Variants in TEX264 observed in about 807,000 individuals in gnomAD.
The protein encoded by TEX264 is testis expressed 264, ER-phagy receptor, also known as testis-expressed protein 264.
Under a neutral mutation model 23.4 loss-of-function variants are expected in TEX264, and 13 were observed. The ratio of observed to expected loss-of-function variants is 0.56; its 90% CI spans 0.36 to 0.88. TEX264 has a LOEUF of 0.88. TEX264 is among the 40% of genes least tolerant of loss of function. The probability of loss-of-function intolerance (pLI) is 0.01; values close to 1 mark genes in which losing one functional copy is unlikely to be tolerated. For missense variants in TEX264, 340 were observed against 406.8 expected, an observed-to-expected ratio of 0.84 and a Z score of 1.41; for synonymous variants, 159 against 170.0, an observed-to-expected ratio of 0.94 and a Z score of 0.50.
At chr3:51,685,668 A>G (rs1231191466) in intron 3 of TEX264, among the ~76,000 whole-genome samples, 1 of 152,210 alleles carries the variant, frequency 6.6e-6, no homozygotes, top group Non-Finnish European at 1.5e-5. Flanking sequence ...AAAATAACAC[A>G]GTTGGAGCCA....
intron 3 of TEX264, among the ~76,000 whole-genome samples, chr3:51,696,777 T>A (rs1703074652): frequency 6.6e-6 from 1 of 152,210 alleles, no homozygotes; most frequent in African/African-American, 2.4e-5. Flanking sequence ...CAAGTCTGAA[T>A]TTTGGTAGGA....
intron 2 of TEX264, among the ~76,000 whole-genome samples, chr3:51,676,725 C>G (rs1702243033): frequency 6.6e-6 from 1 of 152,226 alleles, no homozygotes; most frequent in Non-Finnish European, 1.5e-5. Context: ...GCATTTACCC[C>G]AGCACTTAGC....
At chr3:51,684,952 A>G (rs1015501595) in intron 3 of TEX264, among the ~76,000 whole-genome samples, 4 of 152,234 alleles carry the variant, frequency 2.6e-5, no homozygotes, top group African/African-American at 9.6e-5. Context: ...GCTCAGATGA[A>G]TGGACAGGCC....
chr3:51,679,186 T>C (rs529062611), intron 2 of TEX264, among the ~76,000 whole-genome samples: 2 of 152,324 alleles, frequency 1.3e-5, no homozygotes, highest in East Asian at 3.9e-4. Flanking sequence ...TTGGCCTGTC[T>C]GAGTATGTCT....
rs10654217 is a variant in TEX264 at position 51,693,430 on chromosome 3, G to GGGC, written c.481-5975_481-5974insGCG. Among the ~76,000 whole-genome samples, 407 of 151,816 alleles carry GGGC rather than the reference G, an allele frequency of 2.7e-3. 1 individual carries two copies. Among genetic ancestry groups the GGGC allele is most frequent in the African/African-American group, 9.2e-3 (381 of 41,410 alleles). ...GCCGGTGGCTCCCAGGCTGGCCCTGGGCTCGACCTAACCCCAAGAGGGCCA... is the reference window on the plus strand; with the variant it reads ...GCCGGTGGCTCCCAGGCTGGCCCTGGGGCGCTCGACCTAACCCCAAGAGGGCCA... On this transcript the variant is annotated intron_variant, in intron 3 of 4. Transcript: ENST00000341333.
At position 51,699,540 on chromosome 3, in the gene TEX264, T is replaced by C. The variant is rs1409266736; in HGVS notation, c.615T>C (p.Leu205=). The part of the protein sequence containing the change: ...MKETEWKWRG[L]VEAIDTQVDG... The stretch of plus-strand genomic sequence containing the variant: ...AGACAGAGTGGAAATGGCGGGGGCT[T>C]GTGGAGGCCATTGACACCCAGGTGG... Residue 205 remains leucine (L), a synonymous_variant, in exon 4 of 5, where the codon CTT becomes CTC. Coordinates refer to ENST00000341333, the MANE Select transcript of TEX264 (RefSeq NM_015926.6). The C allele has an allele frequency of 6.2e-7, 1 of 1,613,812 alleles. No individual in the cohort carries two copies. The highest frequency in any genetic ancestry group is 8.5e-7 in the Non-Finnish European group (1 of 1,179,892).
intron 3 of TEX264, among the ~76,000 whole-genome samples, chr3:51,690,499 A>C (rs984262484): frequency 1.3e-5 from 2 of 150,168 alleles, no homozygotes; most frequent in African/African-American, 4.9e-5. Flanking sequence ...GACACTGCCC[A>C]GTGAGCTGAG....
At chr3:51,694,914 A>G (rs1702996941) in intron 3 of TEX264, among the ~76,000 whole-genome samples, 1 of 152,154 alleles carries the variant, frequency 6.6e-6, no homozygotes, top group Admixed American at 6.5e-5. Flanking sequence ...TGGGGGTGAG[A>G]GGAAAGTTTC....
At chr3:51,677,829 G>A (rs1702282216) in intron 2 of TEX264, among the ~76,000 whole-genome samples, 1 of 152,204 alleles carries the variant, frequency 6.6e-6, no homozygotes, top group Non-Finnish European at 1.5e-5. Flanking sequence ...CTGCAGGTCT[G>A]GGTGAGTGGT....
intron 4 of TEX264, among the ~76,000 whole-genome samples, chr3:51,701,843 G>A (rs553660932): frequency 9.9e-5 from 15 of 152,260 alleles, no homozygotes; most frequent in African/African-American, 3.6e-4. Context: ...TGTTGGCCAG[G>A]CTGGTCTGGA....
At chr3:51,693,276 G>A (rs1310939006) in intron 3 of TEX264, among the ~76,000 whole-genome samples, 3 of 152,030 alleles carry the variant, frequency 2.0e-5, no homozygotes, top group Admixed American at 6.5e-5. Context: ...AGCAGGCTGG[G>A]GTGCCAGGCA....
chr3:51,697,945 G>A (rs989283434), intron 3 of TEX264, among the ~76,000 whole-genome samples: 12 of 152,160 alleles, frequency 7.9e-5, no homozygotes, highest in Admixed American at 5.9e-4. Flanking sequence ...TTCCTTCACC[G>A]ACCTTGGAAG....
intron 3 of TEX264, among the ~76,000 whole-genome samples, chr3:51,696,599 C>T (rs1703066882): frequency 6.6e-6 from 1 of 152,340 alleles, no homozygotes; most frequent in African/African-American, 2.4e-5. Context: ...TCCTGCCCCT[C>T]ACCTTCCATC....
intron 3 of TEX264, among the ~76,000 whole-genome samples, chr3:51,698,977 G>A (rs1703176024): frequency 1.3e-5 from 2 of 152,148 alleles, no homozygotes; most frequent in African/African-American, 2.4e-5. Context: ...AGGAGGTCAG[G>A]GCCAGGGGGT....
At chr3:51,680,810 A>G (rs1473644404) in intron 2 of TEX264, among the ~76,000 whole-genome samples, 2 of 152,206 alleles carry the variant, frequency 1.3e-5, no homozygotes, top group African/African-American at 2.4e-5. Flanking sequence ...GCCAAGGTGG[A>G]TGGGGTCTCT....
chr3:51,687,084 T>G (rs540318549), intron 3 of TEX264, among the ~76,000 whole-genome samples: 7 of 151,422 alleles, frequency 4.6e-5, no homozygotes, highest in African/African-American at 1.2e-4. Flanking sequence ...GCTCCTGGAG[T>G]GGGGGTTGAG....
chr3:51,687,779 C>T lies in TEX264; in HGVS notation c.480+3145C>T, dbSNP rs1392129701. Among the ~76,000 whole-genome samples the T allele has an allele frequency of 2.0e-5, 3 of 152,140 alleles. No individual in the cohort carries two copies. In the East Asian group the frequency reaches 5.8e-4, roughly 29 times the overall value. On this transcript the variant is annotated intron_variant, in intron 3 of 4. Transcript: ENST00000341333. Reference sequence around the variant, plus strand: ...GGGTTTGGGAGGTGGAGAGCAGCTGCTGTCCCGGGAGTTGCAGATGTGCCT... The same window carrying T: ...GGGTTTGGGAGGTGGAGAGCAGCTGTTGTCCCGGGAGTTGCAGATGTGCCT...
In TEX264 at chr3:51,701,398, C is replaced by T. The variant is rs562794549; in HGVS notation, c.649+1824C>T. Reference sequence around the variant, plus strand: ...GTGGTGCAGTGGCAAGATCTCGGCTCACTGTAACCTTTCCCTCCCAGGCTT... The same window carrying T: ...GTGGTGCAGTGGCAAGATCTCGGCTTACTGTAACCTTTCCCTCCCAGGCTT... On this transcript the variant is annotated intron_variant, in intron 4 of 4. Coordinates refer to ENST00000341333, the MANE Select transcript of TEX264 (RefSeq NM_015926.6). 2.0e-5 allele frequency among the ~76,000 whole-genome samples: 3 copies of T among 151,116 alleles called. 1 individual carries two copies. In the South Asian group the frequency reaches 6.3e-4, roughly 32 times the overall value.
intron 3 of TEX264, 108 bp downstream of exon 3, chr3:51,684,742 A>C (rs1175139337): frequency 9.2e-7 from 1 of 1,081,878 alleles, no homozygotes; most frequent in Non-Finnish European, 1.4e-6. Context: ...GGAGAGCAGC[A>C]CCCTGGGGCC....
Sources: allele counts gnomAD v4.1 joint callset (sites outside exome capture counted in the v4.1 genomes callset), GRCh38; gene constraint gnomAD v4.1.1; transcripts MANE v1.5; gene names NCBI Gene and HGNC (gene_info 2026-07-23, HGNC 2026-07-21).